The following OVOL1 variants were observed in gnomAD, a reference collection of about 807,000 sequenced individuals.
OVOL1 encodes the protein ovo like transcriptional repressor 1.
OVOL1 carries 10 observed loss-of-function variants against 21.5 expected under a neutral mutation model. The ratio of observed to expected loss-of-function variants is 0.46; its 90% CI spans 0.29 to 0.79. OVOL1 has a LOEUF of 0.79. OVOL1 is among the 30% of genes least tolerant of loss of function. The pLI is 0.10. For synonymous variants in OVOL1, 129 were observed against 150.3 expected, an observed-to-expected ratio of 0.86 and a Z score of 1.03; for missense variants, 279 against 362.3, an observed-to-expected ratio of 0.77 and a Z score of 1.87.
chr11:65,787,826 C>T (rs944420705), intron 1 of OVOL1, among the ~76,000 whole-genome samples: 1 of 152,212 alleles, frequency 6.6e-6, no homozygotes, highest in Admixed American at 6.5e-5. Flanking sequence ...CGTCGTAAAT[C>T]CAGAAAACCG....
chr11:65,796,492 C>T lies in OVOL1; in HGVS notation c.*1151C>T, dbSNP rs957371779. 5.3e-5 allele frequency: 8 copies of T among 152,244 alleles called. No individual in the cohort carries two copies. Among genetic ancestry groups the T allele is most frequent in the African/African-American group, 1.9e-4 (8 of 41,446 alleles). 9.4% of individuals were successfully genotyped at this position (152,244 alleles called of 1,614,324 possible). A position where few individuals can be genotyped will look rare whatever the true frequency, so the allele number is the denominator to read the frequency against. Reference sequence around the variant, plus strand: ...GCCAGGCTGGAAGACCGGCCCTTTTCTTGGTTGAGTCAAAAGCCTTAGCAC... The same window carrying T: ...GCCAGGCTGGAAGACCGGCCCTTTTTTTGGTTGAGTCAAAAGCCTTAGCAC... On this transcript the variant is annotated 3_prime_UTR_variant, in exon 4 of 4. Transcript: ENST00000335987.
chr11:65,795,743 T>TC lies in OVOL1; in HGVS notation c.*406dup. On this transcript the variant is annotated 3_prime_UTR_variant, in exon 4 of 4. Coordinates refer to ENST00000335987, the MANE Select transcript of OVOL1 (RefSeq NM_004561.4). This position sits in a 1 kb window ranked among gnomAD's most constrained non-coding sequence, Gnocchi z 5.7. ...CTCAGCACAGGGCAGGGGCTGCAGG[T>TC]CCCCAGTGGACATCAGAGTCAAAAG... The TC allele has an allele frequency of 4.3e-6, 1 of 234,604 alleles. No individual in the cohort carries two copies. The highest frequency in any genetic ancestry group is 7.7e-5 in the South Asian group (1 of 12,984). 14.5% of individuals were successfully genotyped at this position (234,604 alleles called of 1,614,324 possible). A position where few individuals can be genotyped will look rare whatever the true frequency, so the allele number is the denominator to read the frequency against.
intron 1 of OVOL1, chr11:65,788,769 CA>C: frequency 1.0e-6 from 1 of 985,440 alleles, no homozygotes; most frequent in Non-Finnish European, 1.2e-6. Context: ...GGGAATGTGC[CA>C]GAAGACCCTG....
intron 1 of OVOL1, 156 bp from the exon 2 acceptor site, chr11:65,793,875 G>C (rs978099521): frequency 6.5e-6 from 4 of 619,858 alleles, no homozygotes; most frequent in African/African-American, 1.8e-5. Flanking sequence ...AGGCGGTGCA[G>C]CAGTGGTGGT....
At position 65,796,841 on chromosome 11, in the gene OVOL1, C is replaced by T. The variant is rs145371788; in HGVS notation, c.*1500C>T. The T allele has an allele frequency of 2.0e-5, 3 of 152,422 alleles. No homozygotes were observed. The East Asian group carries it at 5.8e-4, about 30-fold the overall frequency. The allele number at this position is 152,422 out of a possible 1,614,324, so 9.4% of individuals were successfully genotyped here. ...CCAGAACACAGCCAGCTGGGCAGCC[C>T]CTTAAAGCCAAACCCCACCTGAAGC... On this transcript the variant is annotated 3_prime_UTR_variant, in exon 4 of 4. Transcript: ENST00000335987.
Position 65,787,483 on chromosome 11 carries a change from CA to C in OVOL1, c.100+12del, listed in dbSNP as rs1857927523. The C allele has an allele frequency of 6.6e-7, 1 of 1,507,888 alleles. No homozygotes were observed. Among genetic ancestry groups the C allele is most frequent in the Admixed American group, 2.0e-5 (1 of 50,950 alleles). The allele number at this position is 1,507,888 out of a possible 1,614,324, so 93.4% of individuals were successfully genotyped here. A position where few individuals can be genotyped will look rare whatever the true frequency, so the allele number is the denominator to read the frequency against. On this transcript the variant is annotated intron_variant, in intron 1 of 3. Coordinates refer to ENST00000335987, the MANE Select transcript of OVOL1 (RefSeq NM_004561.4). ...GAGATCTACGTGCCAGGTGAGGCTC[CA>C]ACCGCCCTCCGGCCTGGGGCACCCG... is the stretch of plus-strand genomic sequence containing the variant.
At chr11:65,788,458 A>G (rs1857947415) in intron 1 of OVOL1, 2 of 984,044 alleles carry the variant, frequency 2.0e-6, no homozygotes, top group African/African-American at 3.5e-5. Flanking sequence ...CTGAACGCCC[A>G]GCCCAGCCCC....
In OVOL1 at chr11:65,787,371, A is replaced by C. The variant is rs1857925765; in HGVS notation, c.-3A>C. Reference sequence around the variant, plus strand: ...GCCCGTGTCCAGCGACGAGGGTTCGAAAATGCCCCGCGCGTTCCTGGTGAA... The same window carrying C: ...GCCCGTGTCCAGCGACGAGGGTTCGCAAATGCCCCGCGCGTTCCTGGTGAA... On this transcript the variant is annotated 5_prime_UTR_variant, in exon 1 of 4. Coordinates refer to ENST00000335987, the MANE Select transcript of OVOL1 (RefSeq NM_004561.4). 1 of 1,577,672 alleles carries C rather than the reference A, an allele frequency of 6.3e-7. No homozygotes were observed. Among genetic ancestry groups the C allele is most frequent in the Admixed American group, 1.8e-5 (1 of 56,616 alleles).
At position 65,796,188 on chromosome 11, in the gene OVOL1, G is replaced by A. The variant is rs1450337047; in HGVS notation, c.*847G>A. 3 of 152,570 alleles carry A rather than the reference G, an allele frequency of 2.0e-5. No individual in the cohort carries two copies. The highest frequency in any genetic ancestry group is 7.2e-5 in the African/African-American group (3 of 41,420). The allele number at this position is 152,570 out of a possible 1,614,324, so 9.5% of individuals were successfully genotyped here. On this transcript the variant is annotated 3_prime_UTR_variant, in exon 4 of 4. Coordinates refer to ENST00000335987, the MANE Select transcript of OVOL1 (RefSeq NM_004561.4). ...CCTCTGTGCCTTGGCTCTGGGCGGG[G>A]GCTGCCCCAACCCACCCCCGTTCTT... is the stretch of plus-strand genomic sequence containing the variant.
Position 65,794,388 on chromosome 11 carries a change from C to A in OVOL1, c.318+140C>A. 2.8e-6 allele frequency: 3 copies of A among 1,076,718 alleles called. 1 individual carries two copies. Among genetic ancestry groups the A allele is most frequent in the South Asian group, 2.9e-5 (2 of 69,138 alleles). The allele number at this position is 1,076,718 out of a possible 1,614,324, so 66.7% of individuals were successfully genotyped here. The stretch of plus-strand genomic sequence containing the variant: ...AAGGTTTCTGCAGAGGAGTGCCGAT[C>A]TCCGGGCAGACGGCACAGAGCTGTG... On this transcript the variant is annotated intron_variant, in intron 2 of 3. Transcript: ENST00000335987.
rs147605504 is a variant in OVOL1 at position 65,795,221 on chromosome 11, C to A, written c.684C>A (p.His228Gln). ...CGCTSESQEGHVLHLKEHHPD... is the reference protein window; with the variant it reads ...CGCTSESQEGQVLHLKEHHPD... ...GCACATCTGAGAGCCAGGAGGGCCA[C>A]GTCCTGCACCTGAAGGAGCACCACC... The change falls in exon 4 of 4, where the codon CAC (histidine) becomes CAA (glutamine). Residue 228 changes from histidine to glutamine, a missense_variant. By Grantham distance (24) the His-to-Gln change is conservative. Coordinates refer to ENST00000335987, the MANE Select transcript of OVOL1 (RefSeq NM_004561.4). The surrounding 1 kb of genome is among the most constrained non-coding windows in gnomAD (Gnocchi z 5.7). 1.2e-6 allele frequency: 2 copies of A among 1,613,522 alleles called. No homozygotes were observed. The highest frequency in any genetic ancestry group is 1.7e-6 in the Non-Finnish European group (2 of 1,180,010).
rs767600762 is a variant in OVOL1 at position 65,795,146 on chromosome 11, C to T, written c.609C>T (p.Tyr203=). The part of the protein sequence containing the change: ...LKKIHGVQQK[Y]AYKERRAKLY... ...AGATCCATGGTGTGCAGCAGAAGTA[C>T]GCGTACAAGGAGCGGCGGGCCAAGC... The change falls in exon 4 of 4, where the codon TAC becomes TAT. Residue 203 remains tyrosine, a synonymous_variant. Coordinates refer to ENST00000335987, the MANE Select transcript of OVOL1 (RefSeq NM_004561.4). This position sits in a 1 kb window ranked among gnomAD's most constrained non-coding sequence, Gnocchi z 5.7. The T allele has an allele frequency of 6.5e-5, 105 of 1,613,756 alleles. 2 individuals carry two copies. In the South Asian group the frequency reaches 1.0e-3, roughly 16 times the overall value.
At chr11:65,788,449 T>C in intron 1 of OVOL1, 2 of 984,496 alleles carry the variant, frequency 2.0e-6, no homozygotes, top group Non-Finnish European at 2.4e-6. Context: ...GTGGACGCTC[T>C]GAACGCCCAG....
chr11:65,791,131 A>C (rs1858008379), intron 1 of OVOL1, among the ~76,000 whole-genome samples: 1 of 152,192 alleles, frequency 6.6e-6, no homozygotes, highest in Non-Finnish European at 1.5e-5. Flanking sequence ...GGGAAAATAC[A>C]CTGTCTGAGG....
intron 1 of OVOL1, among the ~76,000 whole-genome samples, chr11:65,791,111 T>C (rs1232339571): frequency 1.3e-5 from 2 of 151,630 alleles, no homozygotes; most frequent in Non-Finnish European, 2.9e-5. Context: ...TGAAAAGCGG[T>C]TGGGAAAGAG....
chr11:65,794,409 C>A, intron 2 of OVOL1, 129 bp from the exon 3 acceptor site: 1 of 1,094,100 alleles, frequency 9.1e-7, no homozygotes, highest in Non-Finnish European at 1.3e-6. Context: ...CGGCACAGAG[C>A]TGTGGTCTCT....
intron 1 of OVOL1, chr11:65,792,230 C>T (rs1858034701): frequency 6.6e-6 from 1 of 152,546 alleles, no homozygotes; most frequent in African/African-American, 2.4e-5. Context: ...TGAGCCTCCC[C>T]TCTCGTGGAG....
intron 1 of OVOL1, 34 bp downstream of exon 1, chr11:65,787,507 C>CCGCGGCGGCGT (rs1267986274): frequency 7.3e-7 from 1 of 1,374,030 alleles, no homozygotes; most frequent in Non-Finnish European, 9.7e-7. Context: ...CCTGGGGCAC[C>CCGCGGCGGCGT]CGCGGCGGCG....
At chr11:65,793,314 G>A (rs3814707) in intron 1 of OVOL1, among the ~76,000 whole-genome samples, 39,076 of 152,156 alleles carry the variant, frequency 0.26, 5,347 homozygotes, top group East Asian at 0.39. Context: ...TGCTGAGGGA[G>A]CCCAGCCCGA....
Sources: gnomAD v4.1 joint callset for allele counts (sites outside exome capture counted in the v4.1 genomes callset) on GRCh38, gnomAD v4.1.1 for gene constraint, Gnocchi (gnomAD v3.1) non-coding constraint, MANE v1.5 for transcripts, NCBI Gene and HGNC (gene_info 2026-07-23, HGNC 2026-07-21) for gene names.